PTPRG: variants seen among roughly 807,000 people sequenced by gnomAD.
PTPRG encodes the protein protein tyrosine phosphatase receptor type G, also known as receptor-type tyrosine-protein phosphatase gamma.
PTPRG carries 102 observed loss-of-function variants against 165.3 expected under a neutral mutation model. The ratio of observed to expected loss-of-function variants is 0.62; its 90% CI spans 0.53 to 0.73. The LOEUF (loss-of-function observed/expected upper bound fraction) is 0.73. Among genes scored for constraint, PTPRG ranks in the 30% least tolerant of loss-of-function variants. The pLI is 0.00. For missense variants in PTPRG, 1,866 were observed against 1,861.4 expected, an observed-to-expected ratio of 1.00 and a Z score of -0.05; for synonymous variants, 675 against 669.5, an observed-to-expected ratio of 1.01 and a Z score of -0.13.
chr3:62,133,192 G>T (rs758704677), intron 6 of PTPRG, among the ~76,000 whole-genome samples: 16 of 152,158 alleles, frequency 1.1e-4, no homozygotes, highest in Admixed American at 2.6e-4. Context: ...AAGATAAATG[G>T]GTTCTGTCTT....
At chr3:61,712,675 G>A (rs989084517) in intron 1 of PTPRG, among the ~76,000 whole-genome samples, 2 of 152,260 alleles carry the variant, frequency 1.3e-5, no homozygotes, top group East Asian at 3.9e-4. Context: ...CTCCCCAGCC[G>A]TGCGGTACTG....
intron 4 of PTPRG, among the ~76,000 whole-genome samples, chr3:62,004,844 C>T (rs932242162): frequency 2.0e-5 from 3 of 152,266 alleles, no homozygotes; most frequent in Admixed American, 1.3e-4. Flanking sequence ...TACGTCTTGT[C>T]CTGCTTTGAT....
intron 2 of PTPRG, among the ~76,000 whole-genome samples, chr3:61,938,788 T>C (rs2039542038): frequency 6.6e-6 from 1 of 152,198 alleles, no homozygotes; most frequent in Non-Finnish European, 1.5e-5. Flanking sequence ...TAGGAGAAAT[T>C]AACAGGTACA....
intron 1 of PTPRG, among the ~76,000 whole-genome samples, chr3:61,604,736 T>C (rs1370293292): frequency 6.6e-6 from 1 of 150,698 alleles, no homozygotes; most frequent in African/African-American, 2.4e-5. Flanking sequence ...TTGCTTGCCA[T>C]GAGTTTTTTT....
intron 2 of PTPRG, among the ~76,000 whole-genome samples, chr3:61,942,326 C>G (rs62243242): frequency 1.1e-3 from 172 of 152,296 alleles, no homozygotes; most frequent in Non-Finnish European, 1.9e-3. Flanking sequence ...ACCACATTTG[C>G]TGTCATTTTC....
chr3:62,026,976 A>G (rs931842780), intron 4 of PTPRG, among the ~76,000 whole-genome samples: 2 of 151,700 alleles, frequency 1.3e-5, no homozygotes, highest in African/African-American at 2.4e-5. Context: ...TGCCAGACAT[A>G]TGGGCAAATG....
intron 5 of PTPRG, among the ~76,000 whole-genome samples, chr3:62,104,812 T>C (rs958984677): frequency 2.0e-5 from 3 of 152,246 alleles, no homozygotes; most frequent in African/African-American, 7.2e-5. Flanking sequence ...TGTCATCATA[T>C]GTCAAAAACT....
chr3:61,831,583 C>A (rs2036297161), intron 2 of PTPRG, among the ~76,000 whole-genome samples: 1 of 144,058 alleles, frequency 6.9e-6, no homozygotes, highest in Non-Finnish European at 1.6e-5. Flanking sequence ...TTGAGGACAG[C>A]ATCCATCTGG....
At chr3:62,104,452 C>T (rs936730823) in intron 5 of PTPRG, among the ~76,000 whole-genome samples, 5 of 152,182 alleles carry the variant, frequency 3.3e-5, no homozygotes, top group African/African-American at 1.2e-4. Context: ...ACTTTCAGCC[C>T]TTTGCCTTGT....
intron 1 of PTPRG, among the ~76,000 whole-genome samples, chr3:61,670,256 G>A (rs1044743794): frequency 6.6e-6 from 1 of 152,158 alleles, no homozygotes; most frequent in Non-Finnish European, 1.5e-5. Flanking sequence ...GACCCAGGAG[G>A]GGGTTGACTT....
chr3:61,885,032 G>A (rs1401900371), intron 2 of PTPRG, among the ~76,000 whole-genome samples: 1 of 151,446 alleles, frequency 6.6e-6, no homozygotes, highest in African/African-American at 2.4e-5. Context: ...TAATCTTGAT[G>A]TGTGGTGTTT....
Position 61,640,729 on chromosome 3 carries a change from A to G in PTPRG, c.85+78357A>G, listed in dbSNP as rs555116776. On this transcript the variant is annotated intron_variant, in intron 1 of 29. Transcript: ENST00000474889. The stretch of plus-strand genomic sequence containing the variant: ...AGAAACGAAGTCTAACACAAACTGC[A>G]GTTATTTAAAAGGCAATGTAGTAAT... Among the ~76,000 whole-genome samples the G allele has an allele frequency of 1.7e-4, 26 of 152,368 alleles. No homozygotes were observed. The South Asian group carries it at 4.8e-3, about 28-fold the overall frequency.
At position 61,759,630 on chromosome 3, in the gene PTPRG, C is replaced by A. The variant is rs182849038; in HGVS notation, c.190+10648C>A. On this transcript the variant is annotated intron_variant, in intron 2 of 29. Transcript: ENST00000474889. Reference sequence around the variant, plus strand: ...ATCACACCACTGCATTCCCAGCCTGCGTGGCAGAGTGAGACCCTGTCTCAA... The same window carrying A: ...ATCACACCACTGCATTCCCAGCCTGAGTGGCAGAGTGAGACCCTGTCTCAA... 3.6e-3 allele frequency among the ~76,000 whole-genome samples: 551 copies of A among 152,122 alleles called. 1 individual carries two copies. The highest frequency in any genetic ancestry group is 6.8e-3 in the Middle Eastern group (2 of 294).
chr3:62,093,068 C>T (rs1701994454), intron 5 of PTPRG, among the ~76,000 whole-genome samples: 1 of 152,180 alleles, frequency 6.6e-6, no homozygotes, highest in African/African-American at 2.4e-5. Flanking sequence ...CAGGTTCCAC[C>T]CCTGGGATTT....
At chr3:61,581,565 G>A (rs1700294914) in intron 1 of PTPRG, among the ~76,000 whole-genome samples, 1 of 151,902 alleles carries the variant, frequency 6.6e-6, no homozygotes, top group Non-Finnish European at 1.5e-5. Context: ...GAGAGGGGGA[G>A]CAGGGCAGAG....
chr3:61,930,990 G>T (rs537417398), intron 2 of PTPRG, among the ~76,000 whole-genome samples: 1 of 152,320 alleles, frequency 6.6e-6, no homozygotes, highest in East Asian at 1.9e-4. Context: ...GAACCTGGGA[G>T]GCAGAGGTTG....
At chr3:61,632,138 G>C (rs936772620) in intron 1 of PTPRG, among the ~76,000 whole-genome samples, 1 of 152,110 alleles carries the variant, frequency 6.6e-6, no homozygotes, top group Non-Finnish European at 1.5e-5. Flanking sequence ...AACCTCATCT[G>C]TACAAAAAAT....
intron 8 of PTPRG, among the ~76,000 whole-genome samples, chr3:62,182,113 A>G (rs1200051739): frequency 2.6e-5 from 4 of 152,204 alleles, no homozygotes; most frequent in South Asian, 2.1e-4. Context: ...TGTTCATTAA[A>G]TGGGAGTGGA....
chr3:61,776,684 G>T (rs1455229594), intron 2 of PTPRG, among the ~76,000 whole-genome samples: 1 of 151,344 alleles, frequency 6.6e-6, no homozygotes, highest in African/African-American at 2.4e-5. Flanking sequence ...ATTATCTGTA[G>T]CCTTATATTT....
Sources: allele counts gnomAD v4.1 joint callset (sites outside exome capture counted in the v4.1 genomes callset), GRCh38; gene constraint gnomAD v4.1.1; transcripts MANE v1.5; gene names NCBI Gene and HGNC (gene_info 2026-07-23, HGNC 2026-07-21).